Variants in TRIP4 observed in about 807,000 individuals in gnomAD.
TRIP4 encodes thyroid hormone receptor interactor 4.
Under a neutral mutation model 81.8 loss-of-function variants are expected in TRIP4, and 54 were observed. That is an observed-to-expected ratio of 0.66 (90% CI 0.53 to 0.83). The LOEUF (loss-of-function observed/expected upper bound fraction) is 0.83. Among genes scored for constraint, TRIP4 ranks in the 40% least tolerant of loss-of-function variants. TRIP4 has a pLI of 0.00. For synonymous variants in TRIP4, 270 were observed against 242.8 expected (o/e 1.11, Z -1.04); for missense variants, 662 against 683.6 (o/e 0.97, Z 0.35).
intron 12 of TRIP4, among the ~76,000 whole-genome samples, chr15:64,448,486 TG>T (rs1434863222): frequency 6.6e-6 from 1 of 152,208 alleles, no homozygotes; most frequent in Non-Finnish European, 1.5e-5. Flanking sequence ...TATTTTGAGA[TG>T]GGGTCTCACT....
chr15:64,411,684 T>TG (rs1451698573), intron 7 of TRIP4, among the ~76,000 whole-genome samples: 1 of 43,990 alleles, frequency 2.3e-5, no homozygotes, highest in African/African-American at 3.5e-5. Context: ...TTGTGCATAC[T>TG]GTTTTTTTTT....
chr15:64,423,089 C>T (rs1892055319), intron 9 of TRIP4, among the ~76,000 whole-genome samples: 2 of 152,164 alleles, frequency 1.3e-5, no homozygotes, highest in Admixed American at 6.5e-5. Flanking sequence ...CTCCTGAATA[C>T]ATTCTGTTAT....
rs551893111 is a variant in TRIP4 at position 64,391,996 on chromosome 15, C to G, written c.102-1950C>G. Among the ~76,000 whole-genome samples the G allele has an allele frequency of 2.4e-5, 3 of 127,244 alleles. No homozygotes were observed. In the South Asian group the frequency reaches 7.9e-4, roughly 34 times the overall value. The allele number at this position is 127,244 out of a possible 152,430, so 83.5% of individuals were successfully genotyped here. A position where few individuals can be genotyped will look rare whatever the true frequency, so the allele number is the denominator to read the frequency against. On this transcript the variant is annotated intron_variant, in intron 1 of 12. Coordinates refer to ENST00000261884, the MANE Select transcript of TRIP4 (RefSeq NM_016213.5). ...AAAAAAAAAAAAAAAAAAAAAAAAG[C>G]CAGGTGCAGCGGCTCAGCCTGTAAT... is the stretch of plus-strand genomic sequence containing the variant.
In TRIP4 at chr15:64,406,317, T is replaced by C. The variant is rs1219051197; in HGVS notation, c.698-13T>C. ...AGAGGCTGACACCATTTGACTTCCTTATTGAATTTCAGGAGTGGAGAATTC... is the reference window on the plus strand; with the variant it reads ...AGAGGCTGACACCATTTGACTTCCTCATTGAATTTCAGGAGTGGAGAATTC... On this transcript the variant is annotated splice_polypyrimidine_tract_variant and intron_variant, in intron 5 of 12. Coordinates refer to ENST00000261884, the MANE Select transcript of TRIP4 (RefSeq NM_016213.5). The C allele has an allele frequency of 6.2e-7, 1 of 1,612,292 alleles. No homozygotes were observed.
At chr15:64,421,533 G>T (rs1440509906) in intron 9 of TRIP4, among the ~76,000 whole-genome samples, 1 of 150,858 alleles carries the variant, frequency 6.6e-6, no homozygotes, top group Non-Finnish European at 1.5e-5. Flanking sequence ...ATGAGGTTTT[G>T]CCCTGTTGGC....
chr15:64,447,724 A>G (rs1224185846), intron 12 of TRIP4, among the ~76,000 whole-genome samples: 6 of 152,022 alleles, frequency 3.9e-5, no homozygotes, highest in Admixed American at 3.9e-4. Context: ...GGATTTATTT[A>G]TTTTTGAGAT....
At chr15:64,420,814 G>A (rs574478671) in intron 9 of TRIP4, among the ~76,000 whole-genome samples, 38 of 152,130 alleles carry the variant, frequency 2.5e-4, no homozygotes, top group African/African-American at 8.4e-4. Flanking sequence ...TTATAGGCGT[G>A]AGCCACCGTG....
At chr15:64,420,715 C>T (rs1166742163) in intron 9 of TRIP4, among the ~76,000 whole-genome samples, 1 of 151,630 alleles carries the variant, frequency 6.6e-6, no homozygotes, top group Non-Finnish European at 1.5e-5. Flanking sequence ...TGTGTTTTTA[C>T]TAGAGATGGT....
chr15:64,449,482 G>C (rs904584993), intron 12 of TRIP4, among the ~76,000 whole-genome samples: 4 of 151,688 alleles, frequency 2.6e-5, no homozygotes, highest in Non-Finnish European at 4.4e-5. Context: ...CTACTATGTA[G>C]ATATACACTA....
At position 64,409,632 on chromosome 15, in the gene TRIP4, A is replaced by G. The variant is rs1035521808; in HGVS notation, c.847A>G (p.Ile283Val). Residue 283 changes from isoleucine (I) to valine (V), a missense_variant, in exon 7 of 13, where the codon ATT (isoleucine) becomes GTT (valine). Coordinates refer to ENST00000261884, the MANE Select transcript of TRIP4 (RefSeq NM_016213.5). ...TCTCAGTATTCGAAGGACCCAAGTCATTGATGATGAGTCAGATTACTTTGC... is the reference window on the plus strand; with the variant it reads ...TCTCAGTATTCGAAGGACCCAAGTCGTTGATGATGAGTCAGATTACTTTGC... ...DRTSIRRTQV[I>V]DDESDYFASD... 6.2e-7 allele frequency: 1 copy of G among 1,614,068 alleles called. No homozygotes were observed. Among genetic ancestry groups the G allele is most frequent in the African/African-American group, 1.3e-5 (1 of 74,934 alleles).
chr15:64,433,804 G>A (rs939190641), intron 11 of TRIP4, among the ~76,000 whole-genome samples: 2 of 152,134 alleles, frequency 1.3e-5, no homozygotes, highest in African/African-American at 4.8e-5. Context: ...TGTGAGTATA[G>A]AGCAAGCTTG....
At chr15:64,430,996 A>AT (rs1490705306) in intron 11 of TRIP4, among the ~76,000 whole-genome samples, 7 of 152,154 alleles carry the variant, frequency 4.6e-5, no homozygotes, top group Non-Finnish European at 8.8e-5. Context: ...TAAAAAAAAA[A>AT]GAGTATCCAA....
intron 2 of TRIP4, 70 bp downstream of exon 2, chr15:64,394,185 A>T (rs949825132): frequency 5.7e-4 from 602 of 1,057,590 alleles, no homozygotes; most frequent in East Asian, 1.5e-3. Flanking sequence ...TATTATTATT[A>T]TTTTTTTTTT....
intron 4 of TRIP4, among the ~76,000 whole-genome samples, chr15:64,398,592 A>ACCC (rs1480175144): frequency 2.0e-5 from 3 of 151,860 alleles, no homozygotes; most frequent in Non-Finnish European, 4.4e-5. Context: ...GAAAGAAAGA[A>ACCC]CCCCAGGTTA....
At chr15:64,443,795 G>A (rs913484848) in intron 11 of TRIP4, among the ~76,000 whole-genome samples, 1 of 152,084 alleles carries the variant, frequency 6.6e-6, no homozygotes, top group Non-Finnish European at 1.5e-5. Flanking sequence ...GTTGAGGCAG[G>A]AGAATCATTT....
intron 11 of TRIP4, among the ~76,000 whole-genome samples, chr15:64,439,107 C>T (rs963440159): frequency 6.6e-6 from 1 of 152,168 alleles, no homozygotes; most frequent in Non-Finnish European, 1.5e-5. Flanking sequence ...GTCATCTGGT[C>T]AAAGTATTAT....
chr15:64,428,998 A>G (rs1892210744), intron 11 of TRIP4, among the ~76,000 whole-genome samples: 1 of 152,090 alleles, frequency 6.6e-6, no homozygotes, highest in African/African-American at 2.4e-5. Context: ...TTTATTGAGT[A>G]AAGAGTTTAT....
At chr15:64,424,428 A>G in intron 10 of TRIP4, 1 of 358,352 alleles carries the variant, frequency 2.8e-6, no homozygotes, top group South Asian at 3.6e-5. Flanking sequence ...CTCTAAAGGT[A>G]AAATGACTAG....
intron 10 of TRIP4, 177 bp downstream of exon 10, chr15:64,424,332 CA>C: frequency 1.3e-6 from 1 of 742,946 alleles, no homozygotes; most frequent in Non-Finnish European, 2.0e-6. Context: ...ATTAATCTGT[CA>C]AAACAGTGCA....
Sources: allele counts gnomAD v4.1 joint callset (sites outside exome capture counted in the v4.1 genomes callset), GRCh38; gene constraint gnomAD v4.1.1; transcripts MANE v1.5; gene names NCBI Gene and HGNC (gene_info 2026-07-23, HGNC 2026-07-21).